The following WDR41 variants were observed in gnomAD, a reference collection of about 807,000 sequenced individuals.
WDR41 encodes WD repeat-containing protein 41.
Under a neutral mutation model 69.3 loss-of-function variants are expected in WDR41, and 63 were observed. The observed-to-expected ratio is 0.91, with a 90% CI of 0.74 to 1.12. WDR41 has a LOEUF of 1.12. Among genes scored for constraint, WDR41 ranks in the 50% most tolerant of loss-of-function variants. The pLI is 0.00. For missense variants in WDR41, 543 were observed against 534.5 expected (o/e 1.02, Z -0.16); for synonymous variants, 185 against 192.1 (o/e 0.96, Z 0.31).
At chr5:77,540,747 GAGGA>G (rs575192717) in intron 1 of WDR41, among the ~76,000 whole-genome samples, 3 of 128,020 alleles carry the variant, frequency 2.3e-5, no homozygotes, top group East Asian at 2.3e-4. Context: ...GGGAGGGAGG[GAGGA>G]AGGAAGGAAG....
At chr5:77,554,069 A>C (rs932753257) in intron 1 of WDR41, among the ~76,000 whole-genome samples, 1 of 152,238 alleles carries the variant, frequency 6.6e-6, no homozygotes, top group Non-Finnish European at 1.5e-5. Context: ...TATATGCACA[A>C]CATGGAATTC....
At chr5:77,450,863 A>G (rs1469148915) in intron 7 of WDR41, among the ~76,000 whole-genome samples, 1 of 152,192 alleles carries the variant, frequency 6.6e-6, no homozygotes, top group African/African-American at 2.4e-5. Flanking sequence ...TGTCTCTGAC[A>G]ATATTTTACC....
At chr5:77,461,609 G>A (rs538143925) in intron 4 of WDR41, among the ~76,000 whole-genome samples, 3 of 152,262 alleles carry the variant, frequency 2.0e-5, no homozygotes, top group South Asian at 2.1e-4. Context: ...ATGCCAAGGC[G>A]GGCAGATCAC....
At chr5:77,449,554 A>G (rs1799538859) in intron 8 of WDR41, among the ~76,000 whole-genome samples, 1 of 152,098 alleles carries the variant, frequency 6.6e-6, no homozygotes, top group African/African-American at 2.4e-5. Context: ...GCCTTACACT[A>G]TTTTCCTTGT....
chr5:77,502,556 G>A (rs998096972), intron 1 of WDR41, among the ~76,000 whole-genome samples: 2 of 152,070 alleles, frequency 1.3e-5, no homozygotes, highest in Admixed American at 6.5e-5. Flanking sequence ...GCAACCCCAA[G>A]ACACATAATT....
At chr5:77,511,528 C>T (rs1281751886) in intron 1 of WDR41, among the ~76,000 whole-genome samples, 1 of 152,134 alleles carries the variant, frequency 6.6e-6, no homozygotes, top group Non-Finnish European at 1.5e-5. Flanking sequence ...ACTTATTAAT[C>T]AACCACAGTC....
At chr5:77,492,739 C>T (rs1801869426), upstream of WDR41, 1 of 154,934 alleles carries the variant, frequency 6.5e-6, no homozygotes, top group South Asian at 2.0e-4. Flanking sequence ...ACTTCTGCAT[C>T]CAGACAAATC....
intron 1 of WDR41, among the ~76,000 whole-genome samples, chr5:77,503,665 C>CA (rs1802055393): frequency 6.6e-6 from 1 of 151,974 alleles, no homozygotes; most frequent in Admixed American, 6.6e-5. Flanking sequence ...ACAGAAATCT[C>CA]AAAAAACTGT....
intron 1 of WDR41, among the ~76,000 whole-genome samples, chr5:77,594,635 T>A (rs193267233): frequency 6.6e-6 from 1 of 152,308 alleles, no homozygotes; most frequent in African/African-American, 2.4e-5. Flanking sequence ...TTTCCCTGGC[T>A]ATGATTTTAG....
At chr5:77,456,717 T>G (rs918846409) in intron 5 of WDR41, among the ~76,000 whole-genome samples, 2 of 152,188 alleles carry the variant, frequency 1.3e-5, no homozygotes, top group Non-Finnish European at 2.9e-5. Context: ...TATTATTTTT[T>G]TTGAGACAGG....
At chr5:77,446,451 A>C (rs944917660) in intron 8 of WDR41, among the ~76,000 whole-genome samples, 1 of 152,248 alleles carries the variant, frequency 6.6e-6, no homozygotes, top group Admixed American at 6.5e-5. Flanking sequence ...GAATCAAAGA[A>C]GACCCCGTAT....
In WDR41 at chr5:77,468,739, G is replaced by C. The variant is rs191854220; in HGVS notation, c.168-3930C>G. ...ATCTTAATACGACATTATTATGGCA[G>C]TACAGGCACCCCAGTGGTTAACTTT... is the stretch of plus-strand genomic sequence containing the variant. On this transcript the variant is annotated intron_variant, in intron 2 of 12. Coordinates refer to ENST00000296679, the MANE Select transcript of WDR41 (RefSeq NM_018268.4). Among the ~76,000 whole-genome samples the C allele has an allele frequency of 2.6e-4, 40 of 152,256 alleles. 1 individual carries two copies. The East Asian group carries it at 7.5e-3, about 29-fold the overall frequency.
chr5:77,584,961 A>T (rs1744011204), intron 1 of WDR41, among the ~76,000 whole-genome samples: 1 of 152,220 alleles, frequency 6.6e-6, no homozygotes, highest in South Asian at 2.1e-4. Context: ...ATAAAAACAA[A>T]GATAAATAGC....
At chr5:77,504,258 A>G (rs1410634000) in intron 1 of WDR41, among the ~76,000 whole-genome samples, 1 of 152,228 alleles carries the variant, frequency 6.6e-6, no homozygotes, top group Non-Finnish European at 1.5e-5. Context: ...CTATGCAAAT[A>G]AACTAGAAAA....
At chr5:77,464,719 A>C in intron 3 of WDR41, 42 bp downstream of exon 3, 1 of 1,592,326 alleles carries the variant, frequency 6.3e-7, no homozygotes, top group Non-Finnish European at 8.6e-7. Flanking sequence ...CAACTACATC[A>C]TCATATCTTT....
At chr5:77,435,670 A>C (rs335622) in intron 12 of WDR41, among the ~76,000 whole-genome samples, 68,821 of 152,108 alleles carry the variant, frequency 0.45, 15,799 homozygotes, top group Admixed American at 0.55. Flanking sequence ...CTGTTACCTC[A>C]ACTGATCTTA....
rs191169491 is a variant in WDR41 at position 77,566,795 on chromosome 5, G to A, written c.42+53684C>T. On this transcript the variant is annotated intron_variant, in intron 1 of 5. Coordinates refer to the WDR41 transcript ENST00000509971. ...ACAGACCTGCTATGCCTCAGGGTGCGTGAATTGACTGCAATCAAAGTCTGT... is the reference window on the plus strand; with the variant it reads ...ACAGACCTGCTATGCCTCAGGGTGCATGAATTGACTGCAATCAAAGTCTGT... Among the ~76,000 whole-genome samples, 57 of 152,180 alleles carry A rather than the reference G, an allele frequency of 3.7e-4. 1 individual carries two copies. The highest frequency in any genetic ancestry group is 2.7e-3 in the Admixed American group (41 of 15,276).
intron 1 of WDR41, among the ~76,000 whole-genome samples, chr5:77,572,193 A>T (rs1407152683): frequency 6.6e-6 from 1 of 152,222 alleles, no homozygotes; most frequent in Non-Finnish European, 1.5e-5. Context: ...GCACTTTGGA[A>T]CTAACAATGC....
At position 77,434,473 on chromosome 5, in the gene WDR41, G is replaced by A. The variant is rs187835306; in HGVS notation, c.1228-1186C>T. 1.0e-3 allele frequency among the ~76,000 whole-genome samples: 159 copies of A among 152,142 alleles called. 2 individuals carry two copies. In the South Asian group the frequency reaches 0.022, roughly 21 times the overall value. On this transcript the variant is annotated intron_variant, in intron 12 of 12. Coordinates refer to ENST00000296679, the MANE Select transcript of WDR41 (RefSeq NM_018268.4). ...TTCAGTACACAGGTAGAGGGGTTGC[G>A]CCAGTAGAGCAAGGATGAAAATAGA...
Sources: gnomAD v4.1 joint callset for allele counts (sites outside exome capture counted in the v4.1 genomes callset) on GRCh38, gnomAD v4.1.1 for gene constraint, MANE v1.5 for transcripts, NCBI Gene and HGNC (gene_info 2026-07-23, HGNC 2026-07-21) for gene names.